The following ZBTB25 variants were observed in gnomAD, a reference collection of about 807,000 sequenced individuals.
ZBTB25 encodes zinc finger and BTB domain-containing protein 25.
Under a neutral mutation model 34.2 loss-of-function variants are expected in ZBTB25, and 20 were observed. The observed-to-expected ratio is 0.58, with a 90% CI of 0.41 to 0.85. ZBTB25 has a LOEUF of 0.85. ZBTB25 is among the 40% of genes least tolerant of loss of function. The probability of loss-of-function intolerance (pLI) is 0.00; values close to 1 mark genes in which losing one functional copy is unlikely to be tolerated. For synonymous variants in ZBTB25, 175 were observed against 186.4 expected, an observed-to-expected ratio of 0.94 and a Z score of 0.50; for missense variants, 437 against 521.8, an observed-to-expected ratio of 0.84 and a Z score of 1.58.
At chr14:64,473,765 G>A (rs1290732566), downstream of ZBTB25, 1 of 166,692 alleles carries the variant, frequency 6.0e-6, no homozygotes, top group Non-Finnish European at 1.5e-5. Context: ...TTTTCTGCCT[G>A]CCATTTGTGC....
At chr14:64,468,375 AAT>A (rs2078633170) in intron 2 of ZBTB25, 3 of 1,573,246 alleles carry the variant, frequency 1.9e-6, no homozygotes, top group Non-Finnish European at 2.6e-6. Flanking sequence ...TTTTCTAGAG[AAT>A]AAGAGTGCAG....
At chr14:64,504,325 G>A (rs1350730009), upstream of ZBTB25, among the ~76,000 whole-genome samples, 1 of 151,828 alleles carries the variant, frequency 6.6e-6, no homozygotes, top group African/African-American at 2.4e-5. Context: ...CGGAGCACTC[G>A]AGGCGGACCG....
At position 64,478,530 on chromosome 14, in the gene ZBTB25, C is replaced by T. The variant is rs1387592248; in HGVS notation, c.*8393G>A. On this transcript the variant is annotated 3_prime_UTR_variant, in exon 3 of 3. Transcript: ENST00000608382. Reference sequence around the variant, plus strand: ...ATCTATGTCTTGACCAGGCAGAACACCAAAAACTGAGTGTGATGCCTGATT... The same window carrying T: ...ATCTATGTCTTGACCAGGCAGAACATCAAAAACTGAGTGTGATGCCTGATT... 6.6e-6 allele frequency: 1 copy of T among 152,170 alleles called. No individual in the cohort carries two copies. Among genetic ancestry groups the T allele is most frequent in the African/African-American group, 2.4e-5 (1 of 41,448 alleles). The allele number at this position is 152,170 out of a possible 1,614,324, so 9.4% of individuals were successfully genotyped here. A position where few individuals can be genotyped will look rare whatever the true frequency, so the allele number is the denominator to read the frequency against.
intron 2 of ZBTB25, among the ~76,000 whole-genome samples, chr14:64,455,938 G>A (rs966040199): frequency 2.0e-5 from 3 of 152,214 alleles, no homozygotes; most frequent in Non-Finnish European, 4.4e-5. Flanking sequence ...GACTTGCTAT[G>A]ATGTACATCA....
At chr14:64,455,687 T>A (rs1459318844) in intron 2 of ZBTB25, among the ~76,000 whole-genome samples, 2 of 152,236 alleles carry the variant, frequency 1.3e-5, no homozygotes, top group Non-Finnish European at 2.9e-5. Context: ...TGGATTTATG[T>A]CATTCTTTCA....
intron 1 of ZBTB25, among the ~76,000 whole-genome samples, chr14:64,501,132 C>G (rs978431420): frequency 1.3e-4 from 20 of 152,140 alleles, no homozygotes; most frequent in African/African-American, 3.9e-4. Context: ...GTTACAAACA[C>G]TTTCTTCTTC....
chr14:64,497,166 TA>T (rs5809232), intron 1 of ZBTB25, among the ~76,000 whole-genome samples: 24 of 149,484 alleles, frequency 1.6e-4, no homozygotes, highest in African/African-American at 5.2e-4. Context: ...TAAAATCTAT[TA>T]AAAAAAAAAC....
At chr14:64,495,811 C>T (rs548030249) in intron 1 of ZBTB25, among the ~76,000 whole-genome samples, 2 of 151,670 alleles carry the variant, frequency 1.3e-5, no homozygotes, top group South Asian at 2.1e-4. Flanking sequence ...ACAAAATTAG[C>T]GGGTGTGGTG....
At position 64,487,204 on chromosome 14, in the gene ZBTB25, A is replaced by G. The variant is rs1474644704; in HGVS notation, c.1027T>C (p.Phe343Leu). ...EPVELNCNFS[F>L]SRKRKMSCTI... The stretch of plus-strand genomic sequence containing the variant: ...CAGCTCATTTTTCTTTTCCTTGAAA[A>G]AGAAAAATTACAGTTTAATTCTACT... Residue 343 changes from phenylalanine to leucine, a missense_variant, in exon 3 of 3, where the codon TTT becomes CTT. Coordinates refer to ENST00000608382, the MANE Select transcript of ZBTB25 (RefSeq NM_006977.5). The G allele has an allele frequency of 3.1e-6, 5 of 1,614,078 alleles. No individual in the cohort carries two copies. The highest frequency in any genetic ancestry group is 4.2e-6 in the Non-Finnish European group (5 of 1,179,996).
Position 64,469,642 on chromosome 14 carries a change from C to T in ZBTB25, c.174-20004G>A, listed in dbSNP as rs61755982. 2.7e-3 allele frequency: 4,360 copies of T among 1,597,968 alleles called. 12 individuals are homozygous for T. The highest frequency in any genetic ancestry group is 3.3e-3 in the Non-Finnish European group (3,864 of 1,175,244). On this transcript the variant is annotated intron_variant, in intron 2 of 2. Transcript: ENST00000555220. ...TAGAACAGCTGGTTAATGAAATGGC[C>T]TCTGATGATAATAAAATAAACAATC... is the stretch of plus-strand genomic sequence containing the variant.
chr14:64,457,036 T>C (rs567670216), intron 2 of ZBTB25, among the ~76,000 whole-genome samples: 240 of 152,318 alleles, frequency 1.6e-3, no homozygotes, highest in Middle Eastern at 0.014. Context: ...GCCGAGTCTT[T>C]AGAAAAGTAG....
intron 2 of ZBTB25, chr14:64,469,803 C>T (rs1471289387): frequency 1.4e-6 from 1 of 715,912 alleles, no homozygotes; most frequent in Non-Finnish European, 2.2e-6. Context: ...AGGTACAATT[C>T]CAGCGCAGAA....
At chr14:64,449,183 G>A (rs2078331795) in exon 3 of ZBTB25, 2 of 518,484 alleles carry the variant, frequency 3.9e-6, no homozygotes, top group East Asian at 3.6e-5. Flanking sequence ...TTTACCATCT[G>A]AGTCTCATAA....
In ZBTB25 at chr14:64,481,982, C is replaced by A. The variant is rs1397941775; in HGVS notation, c.*4941G>T. The A allele has an allele frequency of 1.3e-5, 2 of 152,206 alleles. No homozygotes were observed. Among genetic ancestry groups the A allele is most frequent in the Admixed American group, 6.5e-5 (1 of 15,288 alleles). 9.4% of individuals were successfully genotyped at this position (152,206 alleles called of 1,614,324 possible). On this transcript the variant is annotated 3_prime_UTR_variant, in exon 3 of 3. Coordinates refer to ENST00000608382, the MANE Select transcript of ZBTB25 (RefSeq NM_006977.5). The stretch of plus-strand genomic sequence containing the variant: ...CATTTATCAAGTATCTGACTCACAA[C>A]ATCAAGAATGTGCCTGTACAAATAA...
upstream of ZBTB25, among the ~76,000 whole-genome samples, chr14:64,504,295 A>ACGGGGCAGGGCGAGGTTGC (rs2079598423): frequency 6.6e-6 from 1 of 151,888 alleles, no homozygotes; most frequent in African/African-American, 2.4e-5. Flanking sequence ...CCCTGAACCG[A>ACGGGGCAGGGCGAGGTTGC]CGGGGCAGGG....
intron 2 of ZBTB25, chr14:64,472,663 A>G (rs904577768): frequency 6.0e-6 from 1 of 167,034 alleles, no homozygotes; most frequent in Non-Finnish European, 1.5e-5. Flanking sequence ...AACTGGTCTC[A>G]ATCTGATTAT....
In ZBTB25 at chr14:64,485,898, A is replaced by C; in HGVS notation, c.*1025T>G. 1 of 985,432 alleles carries C rather than the reference A, an allele frequency of 1.0e-6. No homozygotes were observed. Among genetic ancestry groups the C allele is most frequent in the Non-Finnish European group, 1.2e-6 (1 of 829,930 alleles). The allele number at this position is 985,432 out of a possible 1,614,324, so 61.0% of individuals were successfully genotyped here. ...TTAACAACCCTGGGGTTTTTAGTCAATGCAGTTCTAGCTCAGTCTCTGTCT... is the reference window on the plus strand; with the variant it reads ...TTAACAACCCTGGGGTTTTTAGTCACTGCAGTTCTAGCTCAGTCTCTGTCT... On this transcript the variant is annotated 3_prime_UTR_variant, in exon 3 of 3. Coordinates refer to ENST00000608382, the MANE Select transcript of ZBTB25 (RefSeq NM_006977.5).
rs189676103 is a variant in ZBTB25 at position 64,484,946 on chromosome 14, C to G, written c.*1977G>C. 149 of 962,022 alleles carry G rather than the reference C, an allele frequency of 1.5e-4. 2 individuals are homozygous for G. The East Asian group carries it at 0.016, about 102-fold the overall frequency. The allele number at this position is 962,022 out of a possible 1,614,324, so 59.6% of individuals were successfully genotyped here. ...TTTAAGATTAGACAAAGTTCTGACC[C>G]CAAAGAACATACATTTGTTTTAATT... On this transcript the variant is annotated 3_prime_UTR_variant, in exon 3 of 3. Coordinates refer to ENST00000608382, the MANE Select transcript of ZBTB25 (RefSeq NM_006977.5).
chr14:64,496,378 G>A (rs898284826), intron 1 of ZBTB25, among the ~76,000 whole-genome samples: 8 of 151,804 alleles, frequency 5.3e-5, no homozygotes, highest in Admixed American at 2.0e-4. Flanking sequence ...CCAGCTACTC[G>A]GGAGGCTGAG....
Sources: gnomAD v4.1 joint callset for allele counts (sites outside exome capture counted in the v4.1 genomes callset) on GRCh38, gnomAD v4.1.1 for gene constraint, MANE v1.5 for transcripts, NCBI Gene and HGNC (gene_info 2026-07-23, HGNC 2026-07-21) for gene names.